MEF2C: variants seen among roughly 807,000 people sequenced by gnomAD.
The protein encoded by MEF2C is myocyte enhancer factor 2C.
In MEF2C, 6 loss-of-function variants were observed where a neutral mutation model predicts 50.5. The ratio of observed to expected loss-of-function variants is 0.12; its 90% confidence interval spans 0.07 to 0.23. MEF2C has a LOEUF of 0.23. MEF2C is among the 10% of genes least tolerant of loss of function. MEF2C has a pLI of 1.00. For synonymous variants in MEF2C, 183 were observed against 228.0 expected (o/e 0.80, Z 1.78); for missense variants, 276 against 605.0 (o/e 0.46, Z 5.70).
intron 6 of MEF2C, chr5:88,737,201 T>G: frequency 1.0e-6 from 1 of 985,268 alleles, no homozygotes; most frequent in Non-Finnish European, 1.2e-6. Flanking sequence ...TCTCTTCTCT[T>G]TATGCTACTT....
At chr5:88,883,212 G>A (rs764254211), upstream of MEF2C, 1 of 144,876 alleles carries the variant, frequency 6.9e-6, no homozygotes, top group Non-Finnish European at 1.5e-5. Context: ...AGCTGGAGAC[G>A]ATGTGTGCGT....
chr5:88,797,455 C>CTTTTTTTTTT (rs879036291), intron 3 of MEF2C, among the ~76,000 whole-genome samples: 2 of 63,312 alleles, frequency 3.2e-5, no homozygotes, highest in African/African-American at 7.7e-5. Flanking sequence ...CAACCCTTGC[C>CTTTTTTTTTT]TTTTTTTTTT....
chr5:88,734,584 T>TTG, intron 6 of MEF2C: 5 of 950,920 alleles, frequency 5.3e-6, no homozygotes, highest in Non-Finnish European at 6.2e-6. Flanking sequence ...TTTTTTTTTT[T>TTG]TTTTTTTTTT....
intron 3 of MEF2C, chr5:88,771,440 C>G (rs546824804): frequency 1.0e-6 from 1 of 985,406 alleles, no homozygotes; most frequent in African/African-American, 1.7e-5. Context: ...TTTTTCCTAA[C>G]GCTTGTAGAA....
rs146803687 is a variant in MEF2C at position 88,826,738 on chromosome 5, T to A, written c.-142-2808A>T. ...GTTTTGTGTGTATATGAAAAAGGAA[T>A]ATAACAGCTAGCCTACATGTAGTAA... On this transcript the variant is annotated intron_variant, in intron 1 of 10. Transcript: ENST00000504921. 2.4e-3 allele frequency among the ~76,000 whole-genome samples: 364 copies of A among 152,086 alleles called. 2 individuals are homozygous for A. Among genetic ancestry groups the A allele is most frequent in the Middle Eastern group, 6.8e-3 (2 of 294 alleles).
chr5:88,757,366 G>A (rs540117816), intron 4 of MEF2C, among the ~76,000 whole-genome samples: 38 of 151,604 alleles, frequency 2.5e-4, no homozygotes, highest in African/African-American at 8.5e-4. Flanking sequence ...TGCCACTAAT[G>A]ACACCTTTAA....
chr5:88,769,553 G>A (rs1187062900), intron 3 of MEF2C, among the ~76,000 whole-genome samples: 2 of 152,186 alleles, frequency 1.3e-5, no homozygotes, highest in Non-Finnish European at 2.9e-5. Flanking sequence ...GCAGAGATGT[G>A]AAGTGAAATA....
At chr5:88,796,083 T>A (rs1305428359) in intron 3 of MEF2C, among the ~76,000 whole-genome samples, 1 of 152,212 alleles carries the variant, frequency 6.6e-6, no homozygotes, top group Non-Finnish European at 1.5e-5. Context: ...TCATCAGGGA[T>A]ATTGGTCTGA....
chr5:88,805,128 T>C (rs57695807), intron 2 of MEF2C, among the ~76,000 whole-genome samples: 10 of 152,344 alleles, frequency 6.6e-5, no homozygotes, highest in African/African-American at 2.2e-4. Flanking sequence ...ATGGTTAGCA[T>C]ATTTCCCAAT....
chr5:88,777,887 A>C (rs932079662), intron 3 of MEF2C, among the ~76,000 whole-genome samples: 1 of 143,388 alleles, frequency 7.0e-6, no homozygotes, highest in Non-Finnish European at 1.5e-5. Flanking sequence ...AAGGGTGCTA[A>C]ATTTTTCTTT....
intron 6 of MEF2C, among the ~76,000 whole-genome samples, chr5:88,746,346 A>T (rs1769557943): frequency 6.6e-6 from 1 of 152,188 alleles, no homozygotes; most frequent in Non-Finnish European, 1.5e-5. Flanking sequence ...GAGCTGAAAA[A>T]AAGCATGCTT....
chr5:88,860,244 C>T (rs570222388), intron 1 of MEF2C, among the ~76,000 whole-genome samples: 1 of 152,064 alleles, frequency 6.6e-6, no homozygotes, highest in East Asian at 1.9e-4. Flanking sequence ...TTTTCTTCCA[C>T]TTCTGTAAGG....
intron 3 of MEF2C, among the ~76,000 whole-genome samples, chr5:88,764,477 T>A (rs1779110721): frequency 6.6e-6 from 1 of 152,074 alleles, no homozygotes; most frequent in Non-Finnish European, 1.5e-5. Context: ...CTCTCACTCA[T>A]ATGTAACTAT....
intron 1 of MEF2C, among the ~76,000 whole-genome samples, chr5:88,890,868 G>A (rs1321775650): frequency 6.6e-6 from 1 of 152,150 alleles, no homozygotes; most frequent in Non-Finnish European, 1.5e-5. Context: ...GAAGTTAAGT[G>A]ATGCCCCCAA....
intron 1 of MEF2C, among the ~76,000 whole-genome samples, chr5:88,869,276 T>TATACATATATATATATATATAC (rs1554050855): frequency 9.8e-6 from 1 of 101,740 alleles, no homozygotes; most frequent in South Asian, 3.0e-4. Context: ...TATATATATA[T>TATACATATATATATATATATAC]ACATATATAT....
At chr5:88,780,622 G>A in intron 3 of MEF2C, 3 of 336,720 alleles carry the variant, frequency 8.9e-6, no homozygotes, top group Non-Finnish European at 1.3e-5. Flanking sequence ...TACTGCGGGA[G>A]CCAGGGCAAA....
chr5:88,782,472 A>T (rs547809961), intron 3 of MEF2C, among the ~76,000 whole-genome samples: 1,845 of 152,192 alleles, frequency 0.012, 14 homozygotes, highest in Non-Finnish European at 0.016. Flanking sequence ...CTCAAAAAAA[A>T]AAAAAATAAA....
intron 2 of MEF2C, among the ~76,000 whole-genome samples, chr5:88,809,017 A>G (rs1801672549): frequency 6.6e-6 from 1 of 152,144 alleles, no homozygotes. Context: ...CATGTTATCA[A>G]ATTAAAGAGA....
At chr5:88,816,590 C>G (rs1805536580) in intron 2 of MEF2C, among the ~76,000 whole-genome samples, 1 of 145,840 alleles carries the variant, frequency 6.9e-6, no homozygotes, top group Non-Finnish European at 1.5e-5. Flanking sequence ...TGAATAAAAA[C>G]TTTTCCCTTG....
Sources: allele counts gnomAD v4.1 joint callset (sites outside exome capture counted in the v4.1 genomes callset), GRCh38; gene constraint gnomAD v4.1.1; transcripts MANE v1.5; gene names NCBI Gene and HGNC (gene_info 2026-07-23, HGNC 2026-07-21).